Variants in ZSWIM8 observed in about 807,000 individuals in gnomAD.
ZSWIM8 encodes the protein zinc finger SWIM-type containing 8, also known as zinc finger SWIM domain-containing protein 8.
ZSWIM8 carries 27 observed loss-of-function variants against 173.7 expected under a neutral mutation model. That is an observed-to-expected ratio of 0.16 (90% CI 0.11 to 0.21). The LOEUF (loss-of-function observed/expected upper bound fraction) is 0.21. Among genes scored for constraint, ZSWIM8 ranks in the 10% least tolerant of loss-of-function variants. The pLI is 1.00. For synonymous variants in ZSWIM8, 958 were observed against 962.0 expected (o/e 1.00, Z 0.08); for missense variants, 1,627 against 2,428.8 (o/e 0.67, Z 6.94).
At chr10:73,798,159 A>G (rs1447393361) in intron 19 of ZSWIM8, 71 bp from the exon 20 acceptor site, 2 of 1,595,594 alleles carry the variant, frequency 1.3e-6, no homozygotes, top group Non-Finnish European at 1.7e-6. Flanking sequence ...GATCTGATAA[A>G]AAGACATTAT....
chr10:73,790,585 A>T (rs181885548), intron 7 of ZSWIM8, among the ~76,000 whole-genome samples: 1 of 152,322 alleles, frequency 6.6e-6, no homozygotes, highest in Admixed American at 6.5e-5. Context: ...GCGGTGGCTC[A>T]TACCTATAAT....
Position 73,801,728 on chromosome 10 carries a change from G to C in ZSWIM8, c.*209G>C. The stretch of plus-strand genomic sequence containing the variant: ...TGGGGGAGACAGCCCTGTCTGGGAG[G>C]GGGCGTTGGGTGGCCTCTGGTATTT... On this transcript the variant is annotated 3_prime_UTR_variant, in exon 26 of 26. Transcript: ENST00000604729. This position sits in a 1 kb window ranked among gnomAD's most constrained non-coding sequence, Gnocchi z 4.9. 2 of 1,529,482 alleles carry C rather than the reference G, an allele frequency of 1.3e-6. No individual in the cohort carries two copies. The highest frequency in any genetic ancestry group is 1.7e-6 in the Non-Finnish European group (2 of 1,143,856). 94.7% of individuals were successfully genotyped at this position (1,529,482 alleles called of 1,614,324 possible). A position where few individuals can be genotyped will look rare whatever the true frequency, so the allele number is the denominator to read the frequency against.
At chr10:73,794,466 G>A in intron 13 of ZSWIM8, 75 bp from the exon 14 acceptor site, 1 of 1,568,566 alleles carries the variant, frequency 6.4e-7, no homozygotes, top group Non-Finnish European at 8.7e-7. Flanking sequence ...GTGATGATGA[G>A]GATTTTGGGT....
chr10:73,799,903 A>T, intron 21 of ZSWIM8, 108 bp from the exon 22 acceptor site: 1 of 715,672 alleles, frequency 1.4e-6, no homozygotes, highest in Non-Finnish European at 2.2e-6. Flanking sequence ...ACAGAGCGAG[A>T]CTCTATCTCA....
chr10:73,791,479 C>A lies in ZSWIM8; in HGVS notation c.1299C>A (p.Asp433Glu), dbSNP rs764365889. ...CACTGTGGAGGCTGGCCGTGCTGGA[C>A]CCTGCACTCAGCCCCCAGCGGTGAG... ...MVTLWRLAVLDPALSPQRRRE... is the reference protein window; with the variant it reads ...MVTLWRLAVLEPALSPQRRRE... The change falls in exon 9 of 26, where the codon GAC becomes GAA. Residue 433 changes from aspartate (D) to glutamate (E), a missense_variant. By Grantham distance (45) the Asp-to-Glu change is conservative. Transcript: ENST00000604729. The surrounding 1 kb of genome is among the most constrained non-coding windows in gnomAD (Gnocchi z 6.0). 6.2e-7 allele frequency: 1 copy of A among 1,605,654 alleles called. No individual in the cohort carries two copies. The highest frequency in any genetic ancestry group is 1.3e-5 in the African/African-American group (1 of 74,778).
At chr10:73,787,034 C>T (rs995399952) in intron 1 of ZSWIM8, among the ~76,000 whole-genome samples, 15 of 152,006 alleles carry the variant, frequency 9.9e-5, no homozygotes, top group Admixed American at 9.2e-4. Flanking sequence ...ACCTCCGCCT[C>T]CCCAGTTCAA....
intron 2 of ZSWIM8, 67 bp downstream of exon 2, chr10:73,788,890 A>G: frequency 1.3e-6 from 2 of 1,591,572 alleles, no homozygotes; most frequent in African/African-American, 1.3e-5. Context: ...TGGGTTTCCC[A>G]TAGAACAAAG....
chr10:73,785,883 A>G lies in ZSWIM8; in HGVS notation c.5A>G (p.Glu2Gly). The G allele has an allele frequency of 6.5e-7, 1 of 1,537,106 alleles. No individual in the cohort carries two copies. Among genetic ancestry groups the G allele is most frequent in the Non-Finnish European group, 8.8e-7 (1 of 1,140,706 alleles). ...GCCCCGGGGGGTGCGGGCCCCATGG[A>G]GCTGATGTTTGCAGAGTGGGAGGAC... is the stretch of plus-strand genomic sequence containing the variant. MELMFAEWEDGE... is the reference protein window; with the variant it reads MGLMFAEWEDGE... Residue 2 changes from glutamate to glycine, a missense_variant, in exon 1 of 26, where the codon GAG (glutamate) becomes GGG (glycine). Coordinates refer to ENST00000604729, the MANE Select transcript of ZSWIM8 (RefSeq NM_001367799.1).
At position 73,797,093 on chromosome 10, in the gene ZSWIM8, G is replaced by A. The variant is rs138567501; in HGVS notation, c.3275-20G>A. ...TCCCCTTTCCTGGGCTCATCCCAGCGTCCTGTTTTCCTCACCTAGAGAGTT... is the reference window on the plus strand; with the variant it reads ...TCCCCTTTCCTGGGCTCATCCCAGCATCCTGTTTTCCTCACCTAGAGAGTT... On this transcript the variant is annotated intron_variant, in intron 16 of 25. Transcript: ENST00000604729. This position sits in a 1 kb window ranked among gnomAD's most constrained non-coding sequence, Gnocchi z 5.6. 61 of 1,613,398 alleles carry A rather than the reference G, an allele frequency of 3.8e-5. No homozygotes were observed. The highest frequency in any genetic ancestry group is 1.7e-4 in the Middle Eastern group (1 of 6,060).
At chr10:73,787,042 C>A (rs751862295) in intron 1 of ZSWIM8, among the ~76,000 whole-genome samples, 15 of 151,658 alleles carry the variant, frequency 9.9e-5, no homozygotes, top group Admixed American at 2.0e-4. Context: ...CTCCCCAGTT[C>A]AAGCGATTCT....
chr10:73,795,593 G>A lies in ZSWIM8; in HGVS notation c.2963G>A (p.Arg988His), dbSNP rs542136079. The part of the protein sequence containing the change: ...AEHPLLCEGT[R>H]REKGDLALAL... ...CATCCCCTCTTATGTGAAGGCACAC[G>A]TCGGGAGAAGGGTGACCTGGCATTA... The change falls in exon 15 of 26, where the codon CGT becomes CAT. Residue 988 changes from arginine (R) to histidine (H), a missense_variant. Transcript: ENST00000604729. 1.9e-6 allele frequency: 3 copies of A among 1,613,980 alleles called. No homozygotes were observed. The highest frequency in any genetic ancestry group is 1.3e-5 in the African/African-American group (1 of 75,042).
In ZSWIM8 at chr10:73,789,579, C is replaced by G. The variant is rs1249701657; in HGVS notation, c.630+40C>G. On this transcript the variant is annotated intron_variant, in intron 4 of 25. Coordinates refer to ENST00000604729, the MANE Select transcript of ZSWIM8 (RefSeq NM_001367799.1). This position sits in a 1 kb window ranked among gnomAD's most constrained non-coding sequence, Gnocchi z 6.8. ...ATTTATCCCGGCCCTATCCTACACT[C>G]CATCCCCCCCTTCTCTGCTGCATGC... The G allele has an allele frequency of 6.3e-7, 1 of 1,597,846 alleles. No homozygotes were observed. Among genetic ancestry groups the G allele is most frequent in the East Asian group, 2.2e-5 (1 of 44,508 alleles).
Position 73,797,137 on chromosome 10 carries a change from A to G in ZSWIM8, c.3299A>G (p.Glu1100Gly), listed in dbSNP as rs1484612620. ...GAGAGTTCCCCACATTCCCCCTGTG[A>G]GGGTCTTCCATCTGAGGCAGCTTTG... ...VPESSPHSPC[E>G]GLPSEAALTP... The change falls in exon 17 of 26, where the codon GAG becomes GGG. Residue 1100 changes from glutamate (E) to glycine (G), a missense_variant. Physicochemically the swap from Glu to Gly is moderately conservative, Grantham distance 98 (BLOSUM62 -2). Coordinates refer to ENST00000604729, the MANE Select transcript of ZSWIM8 (RefSeq NM_001367799.1). This position sits in a 1 kb window ranked among gnomAD's most constrained non-coding sequence, Gnocchi z 5.6. 7 of 1,613,496 alleles carry G rather than the reference A, an allele frequency of 4.3e-6. No individual in the cohort carries two copies. The highest frequency in any genetic ancestry group is 5.9e-6 in the Non-Finnish European group (7 of 1,179,724).
chr10:73,796,594 G>C (rs893671299), intron 15 of ZSWIM8, 180 bp from the exon 16 acceptor site: 2 of 741,974 alleles, frequency 2.7e-6, no homozygotes, highest in African/African-American at 3.5e-5. Context: ...AGATATGTTG[G>C]GGTTAAATAA....
At chr10:73,786,353 CGCGCGT>C (rs1329115245) in intron 1 of ZSWIM8, 1 of 374,088 alleles carries the variant, frequency 2.7e-6, no homozygotes, top group Non-Finnish European at 4.8e-6. Flanking sequence ...TGTGCGCGCG[CGCGCGT>C]GCGCGCGCTG....
At chr10:73,788,996 A>C in intron 2 of ZSWIM8, 100 bp from the exon 3 acceptor site, 8 of 634,412 alleles carry the variant, frequency 1.3e-5, no homozygotes, top group East Asian at 6.3e-5. Context: ...TGGGGAAGGA[A>C]TGAGGCTAGG....
Position 73,792,447 on chromosome 10 carries a change from C to T in ZSWIM8, c.1908C>T (p.Thr636=), listed in dbSNP as rs762414222. 1.9e-6 allele frequency: 3 copies of T among 1,606,884 alleles called. No individual in the cohort carries two copies. Among genetic ancestry groups the T allele is most frequent in the South Asian group, 2.2e-5 (2 of 90,098 alleles). Residue 636 remains threonine (T), a synonymous_variant, in exon 10 of 26, where the codon ACC becomes ACT. Coordinates refer to ENST00000604729, the MANE Select transcript of ZSWIM8 (RefSeq NM_001367799.1). This position sits in a 1 kb window ranked among gnomAD's most constrained non-coding sequence, Gnocchi z 4.3. ...SSLALGAEAS[T]FGGFPESPPP... ...TGGCCCTGGGCGCAGAGGCCAGCAC[C>T]TTCGGGGGATTCCCTGAGAGCCCTC...
chr10:73,788,480 C>T lies in ZSWIM8; in HGVS notation c.209-190C>T, dbSNP rs190544553. Among the ~76,000 whole-genome samples, 153 of 152,220 alleles carry T rather than the reference C, an allele frequency of 1.0e-3. 1 individual carries two copies. The highest frequency in any genetic ancestry group is 1.7e-3 in the Non-Finnish European group (114 of 68,010). On this transcript the variant is annotated intron_variant, in intron 1 of 25. Transcript: ENST00000604729. ...TGTGGGCTGGGGATTATCCAGCTCC[C>T]CTTTCCCATATGGAGCCTTAAGGGT...
At position 73,799,369 on chromosome 10, in the gene ZSWIM8, C is replaced by T. The variant is rs2083812415; in HGVS notation, c.4544C>T (p.Ala1515Val). The T allele has an allele frequency of 6.2e-7, 1 of 1,611,990 alleles. No individual in the cohort carries two copies. Among genetic ancestry groups the T allele is most frequent in the East Asian group, 2.2e-5 (1 of 44,792 alleles). The change falls in exon 21 of 26, where the codon GCT becomes GTT. Residue 1515 changes from alanine to valine, a missense_variant. Around this residue, in one of 18 missense-constraint regions of ZSWIM8, gnomAD observed 275 missense variants for 290.1 expected, o/e 0.95. Transcript: ENST00000604729. ...GHSPGLHPYT[A>V]LQPHLPCSPQ... ...TCCCCTGGCCTGCACCCCTACACTG[C>T]TCTACAGCCCCACCTGCCCTGTAGC... is the stretch of plus-strand genomic sequence containing the variant.
Sources: allele counts gnomAD v4.1 joint callset (sites outside exome capture counted in the v4.1 genomes callset), GRCh38; gene constraint gnomAD v4.1.1; regional missense constraint gnomAD v4.1.1; non-coding constraint Gnocchi (gnomAD v3.1); transcripts MANE v1.5; gene names NCBI Gene and HGNC (gene_info 2026-07-23, HGNC 2026-07-21).